Variants in CCN4 observed in about 807,000 individuals in gnomAD.
CCN4 encodes CCN family member 4.
A neutral mutation model predicts 36.7 loss-of-function variants in CCN4; 30 were observed. The observed-to-expected ratio is 0.82, with a 90% CI of 0.61 to 1.11. The LOEUF is 1.11. Among genes scored for constraint, CCN4 ranks in the 50% least tolerant of loss-of-function variants. The pLI is 0.00. For missense variants in CCN4, 505 were observed against 504.9 expected (o/e 1.00, Z 0.00); for synonymous variants, 191 against 195.4 (o/e 0.98, Z 0.19).
chr8:133,226,253 C>A (rs532811130), intron 4 of CCN4, among the ~76,000 whole-genome samples: 1 of 152,252 alleles, frequency 6.6e-6, no homozygotes, highest in Admixed American at 6.5e-5. Context: ...AAAAACAAAG[C>A]AAAACAAAAA....
intron 2 of CCN4, among the ~76,000 whole-genome samples, chr8:133,213,947 T>C (rs1854178255): frequency 9.8e-6 from 1 of 101,800 alleles, no homozygotes; most frequent in African/African-American, 3.7e-5. Flanking sequence ...ACACTATATA[T>C]AGTAGTTATA....
In CCN4 at chr8:133,204,285, T is replaced by C. The variant is rs141131965; in HGVS notation, c.70-8579T>C. Among the ~76,000 whole-genome samples, 13 of 152,318 alleles carry C rather than the reference T, an allele frequency of 8.5e-5. No individual in the cohort carries two copies. In the East Asian group the frequency reaches 2.5e-3, roughly 29 times the overall value. ...TTACAGAGCAGTTGTGTCACCCTGATGAATCACAGAATGCGGTATGTTCTG... is the reference window on the plus strand; with the variant it reads ...TTACAGAGCAGTTGTGTCACCCTGACGAATCACAGAATGCGGTATGTTCTG... On this transcript the variant is annotated intron_variant, in intron 1 of 4. Transcript: ENST00000250160.
rs758062763 is a variant in CCN4, at chr8:133,227,706, A to G, written c.1100A>G (p.Asn367Ser). 1.4e-5 allele frequency: 22 copies of G among 1,611,692 alleles called. No individual in the cohort carries two copies. In the South Asian group the frequency reaches 1.9e-4, roughly 14 times the overall value. Residue 367 changes from asparagine (N) to serine (S), a missense_variant, in exon 5 of 5, where the codon AAC becomes AGC. Physicochemically the swap from Asn to Ser is conservative, Grantham distance 46. Coordinates refer to ENST00000250160, the MANE Select transcript of CCN4 (RefSeq NM_003882.4). ...TACCCTGACTTCTCAGAAATTGCCA[A>G]CTAGGCAGGCACAAATCTTGGGTCT... Reference protein sequence around the residue: ...ESYPDFSEIAN With the variant: ...ESYPDFSEIAS
chr8:133,191,352 A>G, intron 1 of CCN4, 139 bp downstream of exon 1: 1 of 1,042,838 alleles, frequency 9.6e-7, no homozygotes. Context: ...GGGCAAGGAC[A>G]GAGCCCAGGG....
In CCN4 at chr8:133,229,682, T is replaced by A. The variant is rs1854883764; in HGVS notation, c.*1972T>A. 6.6e-6 allele frequency: 1 copy of A among 152,230 alleles called. No individual in the cohort carries two copies. The highest frequency in any genetic ancestry group is 1.5e-5 in the Non-Finnish European group (1 of 68,038). The allele number at this position is 152,230 out of a possible 1,614,324, so 9.4% of individuals were successfully genotyped here. ...GTATACAGTGGTGCTCATTAAATAC[T>A]TGATGAATACAGGAAGCTGTGCATG... is the stretch of plus-strand genomic sequence containing the variant. On this transcript the variant is annotated 3_prime_UTR_variant, in exon 5 of 5. Transcript: ENST00000250160.
chr8:133,220,095 T>G (rs1854461995), intron 2 of CCN4, among the ~76,000 whole-genome samples: 1 of 152,128 alleles, frequency 6.6e-6, no homozygotes, highest in African/African-American at 2.4e-5. Flanking sequence ...TTTGAGGGCA[T>G]GTCTTTTGTC....
At chr8:133,204,982 G>T (rs898765738) in intron 1 of CCN4, among the ~76,000 whole-genome samples, 2 of 152,258 alleles carry the variant, frequency 1.3e-5, no homozygotes, top group Non-Finnish European at 2.9e-5. Flanking sequence ...TCTCTGAGTA[G>T]AGTGTCCATT....
chr8:133,196,703 A>G (rs1280976332), intron 1 of CCN4, among the ~76,000 whole-genome samples: 2 of 152,196 alleles, frequency 1.3e-5, no homozygotes, highest in Non-Finnish European at 2.9e-5. Flanking sequence ...GAATATATTA[A>G]CATTAGTACT....
In CCN4 at chr8:133,228,395, A is replaced by G. The variant is rs554485106; in HGVS notation, c.*685A>G. 6.6e-6 allele frequency: 1 copy of G among 152,250 alleles called. No homozygotes were observed. The highest frequency in any genetic ancestry group is 1.5e-5 in the Non-Finnish European group (1 of 68,060). 9.4% of individuals were successfully genotyped at this position (152,250 alleles called of 1,614,324 possible). A position where few individuals can be genotyped will look rare whatever the true frequency, so the allele number is the denominator to read the frequency against. On this transcript the variant is annotated 3_prime_UTR_variant, in exon 5 of 5. Coordinates refer to ENST00000250160, the MANE Select transcript of CCN4 (RefSeq NM_003882.4). Reference sequence around the variant, plus strand: ...CAGTCAGAAATAAAATTTGATAAACATTCCTGTTGATGGGAAAAGCCCCCA... The same window carrying G: ...CAGTCAGAAATAAAATTTGATAAACGTTCCTGTTGATGGGAAAAGCCCCCA...
chr8:133,225,427 C>T lies in CCN4; in HGVS notation c.648C>T (p.Cys216=). 1 of 1,613,060 alleles carries T rather than the reference C, an allele frequency of 6.2e-7. No individual in the cohort carries two copies. The highest frequency in any genetic ancestry group is 1.3e-5 in the African/African-American group (1 of 75,028). Residue 216 remains cysteine (C), a synonymous_variant, in exon 4 of 5, where the codon TGC becomes TGT. Transcript: ENST00000250160. ...VGEVEAWHRN[C]IAYTSPWSPC... ...AGGTGGAGGCATGGCACAGGAACTGCATAGCCTACACAAGCCCCTGGAGCC... is the reference window on the plus strand; with the variant it reads ...AGGTGGAGGCATGGCACAGGAACTGTATAGCCTACACAAGCCCCTGGAGCC...
intron 1 of CCN4, among the ~76,000 whole-genome samples, chr8:133,206,626 C>CAG (rs371950189): frequency 3.9e-5 from 6 of 152,074 alleles, no homozygotes; most frequent in Non-Finnish European, 5.9e-5. Flanking sequence ...ATGACAGAGA[C>CAG]AGAGAGAGAG....
intron 2 of CCN4, among the ~76,000 whole-genome samples, chr8:133,215,984 TACAC>T (rs35957025): frequency 2.0e-4 from 30 of 149,442 alleles, no homozygotes; most frequent in Admixed American, 4.0e-4. Context: ...CCCATTACAC[TACAC>T]ACACACACAC....
intron 2 of CCN4, among the ~76,000 whole-genome samples, chr8:133,215,585 G>T (rs756684993): frequency 2.1e-4 from 32 of 152,174 alleles, no homozygotes; most frequent in Non-Finnish European, 3.5e-4. Context: ...TGTCCTGCCT[G>T]CCTTCCCCAC....
chr8:133,200,910 A>G (rs1383926067), intron 1 of CCN4, among the ~76,000 whole-genome samples: 1 of 152,012 alleles, frequency 6.6e-6, no homozygotes, highest in Non-Finnish European at 1.5e-5. Context: ...ACCCCTGCTC[A>G]TGTCATCCCC....
chr8:133,194,697 A>ATGTGTGT (rs1399852973), intron 1 of CCN4, among the ~76,000 whole-genome samples: 1 of 21,410 alleles, frequency 4.7e-5, no homozygotes, highest in African/African-American at 1.6e-4. Context: ...GTGTGTGTGG[A>ATGTGTGT]GGGTGTGTGT....
At chr8:133,225,258 T>C in intron 3 of CCN4, 132 bp from the exon 4 acceptor site, 1 of 862,662 alleles carries the variant, frequency 1.2e-6, no homozygotes, top group Non-Finnish European at 1.8e-6. Flanking sequence ...CAACTTGCTG[T>C]CCTGTGGGGA....
chr8:133,208,217 C>CA (rs1853854442), intron 1 of CCN4, among the ~76,000 whole-genome samples: 1 of 152,140 alleles, frequency 6.6e-6, no homozygotes, highest in South Asian at 2.1e-4. Context: ...AGACAGTCCC[C>CA]AAGTGGTCAT....
chr8:133,204,848 C>T (rs1853711616), intron 1 of CCN4, among the ~76,000 whole-genome samples: 1 of 152,166 alleles, frequency 6.6e-6, no homozygotes, highest in Non-Finnish European at 1.5e-5. Context: ...GAACCACATG[C>T]CTGGCTGAGG....
intron 1 of CCN4, among the ~76,000 whole-genome samples, chr8:133,198,367 C>G (rs929789274): frequency 2.0e-5 from 3 of 152,202 alleles, no homozygotes; most frequent in African/African-American, 4.8e-5. Flanking sequence ...TTCTGGCCCA[C>G]AGCAGCCTCA....
Sources: allele counts gnomAD v4.1 joint callset (sites outside exome capture counted in the v4.1 genomes callset), GRCh38; gene constraint gnomAD v4.1.1; transcripts MANE v1.5; gene names NCBI Gene and HGNC (gene_info 2026-07-23, HGNC 2026-07-21).